The following TMEM52B variants were observed in gnomAD, a reference collection of about 807,000 sequenced individuals.
TMEM52B encodes the protein chromosome 12 open reading frame 59.
A neutral mutation model predicts 16.1 loss-of-function variants in TMEM52B; 11 were observed. That is an observed-to-expected ratio of 0.68 (90% confidence interval 0.43 to 1.13). The LOEUF is 1.13. Ranked by LOEUF, TMEM52B falls within the 50% of genes most tolerant of loss-of-function variation. The probability of loss-of-function intolerance (pLI) is 0.00; values close to 1 mark genes in which losing one functional copy is unlikely to be tolerated. For missense variants in TMEM52B, 243 were observed against 230.4 expected (o/e 1.05, Z -0.35); for synonymous variants, 101 against 93.8 (o/e 1.08, Z -0.45).
At chr12:10,186,730 G>A (rs1314135982) in intron 4 of TMEM52B, 141 bp downstream of exon 4, 1 of 861,980 alleles carries the variant, frequency 1.2e-6, no homozygotes, top group Non-Finnish European at 1.6e-6. Context: ...GAAGCCTGAT[G>A]GTGCAGTGAC....
intron 1 of TMEM52B, among the ~76,000 whole-genome samples, chr12:10,173,820 G>A (rs546509771): frequency 1.3e-5 from 2 of 151,276 alleles, no homozygotes; most frequent in Non-Finnish European, 2.9e-5. Context: ...ACTGAAAAGG[G>A]CACATTATCA....
intron 1 of TMEM52B, 119 bp from the exon 2 acceptor site, chr12:10,182,431 T>C: frequency 7.1e-7 from 1 of 1,402,384 alleles, no homozygotes; most frequent in Non-Finnish European, 9.3e-7. Context: ...ACTGCCCCTA[T>C]GACCGTGACC....
At chr12:10,183,759 C>T (rs963974751) in intron 2 of TMEM52B, among the ~76,000 whole-genome samples, 2 of 151,830 alleles carry the variant, frequency 1.3e-5, no homozygotes, top group African/African-American at 4.8e-5. Context: ...TACTTTTTTC[C>T]CTCTTCCTGT....
At chr12:10,185,782 C>G (rs973617754) in intron 3 of TMEM52B, among the ~76,000 whole-genome samples, 12 of 152,110 alleles carry the variant, frequency 7.9e-5, no homozygotes, top group Non-Finnish European at 1.5e-4. Flanking sequence ...GTGGCTCACA[C>G]CTGTAATCCT....
upstream of TMEM52B, among the ~76,000 whole-genome samples, chr12:10,177,810 A>C (rs552372765): frequency 1.3e-3 from 96 of 71,944 alleles, 2 homozygotes; most frequent in South Asian, 0.027. Flanking sequence ...TAATAATAAT[A>C]ATAATTTTTT....
At chr12:10,184,914 A>T (rs1238704937) in intron 2 of TMEM52B, among the ~76,000 whole-genome samples, 2 of 151,776 alleles carry the variant, frequency 1.3e-5, no homozygotes, top group African/African-American at 4.8e-5. Context: ...GGGTTTCACT[A>T]TGTTGGCCAG....
At chr12:10,188,542 GAAGAAA>G (rs71049059) in intron 4 of TMEM52B, among the ~76,000 whole-genome samples, 7,430 of 74,482 alleles carry the variant, frequency 0.1, 405 homozygotes, top group East Asian at 0.16. Flanking sequence ...GGAAGGAAAA[GAAGAAA>G]AAGAAAAAGA....
At chr12:10,188,382 C>T (rs1414425582) in intron 4 of TMEM52B, among the ~76,000 whole-genome samples, 2 of 151,140 alleles carry the variant, frequency 1.3e-5, no homozygotes, top group Non-Finnish European at 2.9e-5. Context: ...TCATTTGAGC[C>T]CAGGAGGCGG....
rs1382068842 is a variant in TMEM52B at position 10,185,323 on chromosome 12, T to C, written c.99-7T>C. ...TTAATGTAGAAAACTTTATTCTTTCTTTATAGTTGCCTGACCACAGACTGG... is the reference window on the plus strand; with the variant it reads ...TTAATGTAGAAAACTTTATTCTTTCCTTATAGTTGCCTGACCACAGACTGG... On this transcript the variant is annotated splice_polypyrimidine_tract_variant and splice_region_variant and intron_variant, in intron 2 of 4. Coordinates refer to ENST00000543484, the MANE Select transcript of TMEM52B (RefSeq NM_001384896.1). 6 of 1,599,514 alleles carry C rather than the reference T, an allele frequency of 3.8e-6. No individual in the cohort carries two copies. The highest frequency in any genetic ancestry group is 1.1e-5 in the South Asian group (1 of 90,778).
intron 1 of TMEM52B, among the ~76,000 whole-genome samples, chr12:10,181,729 A>T (rs1254076411): frequency 1.3e-5 from 2 of 151,522 alleles, no homozygotes; most frequent in African/African-American, 4.8e-5. Context: ...GTTATGAAAT[A>T]TTAAGAGTTC....
At position 10,179,403 on chromosome 12, in the gene TMEM52B, C is replaced by T. The variant is rs1241239850; in HGVS notation, c.-172C>T. The T allele has an allele frequency of 1.5e-6, 1 of 660,418 alleles. No homozygotes were observed. Among genetic ancestry groups the T allele is most frequent in the Non-Finnish European group, 2.7e-6 (1 of 373,816 alleles). 40.9% of individuals were successfully genotyped at this position (660,418 alleles called of 1,614,324 possible). On this transcript the variant is annotated 5_prime_UTR_variant, in exon 1 of 5. Coordinates refer to ENST00000543484, the MANE Select transcript of TMEM52B (RefSeq NM_001384896.1). ...GGGAAAAGCCATAGAAAATAACAGC[C>T]AGAGCGAGTAGGAGGAGACAGAGAG...
intron 1 of TMEM52B, among the ~76,000 whole-genome samples, chr12:10,180,500 G>A (rs73262617): frequency 0.011 from 1,729 of 152,138 alleles, 24 homozygotes; most frequent in African/African-American, 0.04. Context: ...CCATGGTTGC[G>A]TAGAGGAAAC....
intron 1 of TMEM52B, chr12:10,170,911 A>T (rs914335621): frequency 7.2e-5 from 11 of 152,192 alleles, no homozygotes; most frequent in African/African-American, 2.7e-4. Flanking sequence ...GGCAGAGACC[A>T]TTAATCCAAC....
At chr12:10,185,236 A>G in intron 2 of TMEM52B, 94 bp from the exon 3 acceptor site, 1 of 874,812 alleles carries the variant, frequency 1.1e-6, no homozygotes, top group Non-Finnish European at 1.9e-6. Context: ...ATAACAAGGT[A>G]TCACATCATA....
intron 1 of TMEM52B, among the ~76,000 whole-genome samples, chr12:10,173,175 T>C (rs1948737620): frequency 6.6e-6 from 1 of 152,222 alleles, no homozygotes; most frequent in Admixed American, 6.5e-5. Context: ...ATGTATTTAC[T>C]GATAGAATAC....
upstream of TMEM52B, among the ~76,000 whole-genome samples, chr12:10,174,775 T>A (rs972456575): frequency 2.6e-5 from 4 of 152,244 alleles, no homozygotes; most frequent in Non-Finnish European, 4.4e-5. Context: ...ACCGTTCCAT[T>A]TTTTTGTTTC....
chr12:10,182,477 G>C, intron 1 of TMEM52B, 73 bp from the exon 2 acceptor site: 1 of 1,512,742 alleles, frequency 6.6e-7, no homozygotes, highest in Non-Finnish European at 8.8e-7. Context: ...ACAACCATGA[G>C]AGATGATTGG....
In TMEM52B at chr12:10,190,498, C is replaced by A. The variant is rs1441650840; in HGVS notation, c.*358C>A. On this transcript the variant is annotated 3_prime_UTR_variant, in exon 5 of 5. Transcript: ENST00000543484. Reference sequence around the variant, plus strand: ...GTTGTGTCTCTCTCTGTCAGCGAATCCACTGCGGTTAACTGGAAAAGAAAG... The same window carrying A: ...GTTGTGTCTCTCTCTGTCAGCGAATACACTGCGGTTAACTGGAAAAGAAAG... 2 of 243,006 alleles carry A rather than the reference C, an allele frequency of 8.2e-6. No individual in the cohort carries two copies. The highest frequency in any genetic ancestry group is 1.7e-5 in the Non-Finnish European group (2 of 120,952). The allele number at this position is 243,006 out of a possible 1,614,324, so 15.1% of individuals were successfully genotyped here. A position where few individuals can be genotyped will look rare whatever the true frequency, so the allele number is the denominator to read the frequency against.
At chr12:10,182,685 C>A in intron 2 of TMEM52B, 92 bp downstream of exon 2, 1 of 1,261,836 alleles carries the variant, frequency 7.9e-7, no homozygotes. Flanking sequence ...ACATCTATGA[C>A]TTCTTTTTAT....
Sources: gnomAD v4.1 joint callset for allele counts (sites outside exome capture counted in the v4.1 genomes callset) on GRCh38, gnomAD v4.1.1 for gene constraint, MANE v1.5 for transcripts, NCBI Gene and HGNC (gene_info 2026-07-23, HGNC 2026-07-21) for gene names.